TTLL5: variants seen among roughly 807,000 people sequenced by gnomAD.
TTLL5 encodes tubulin polyglutamylase TTLL5.
Under a neutral mutation model 168.4 loss-of-function variants are expected in TTLL5, and 132 were observed. The ratio of observed to expected loss-of-function variants is 0.78; its 90% CI spans 0.68 to 0.91. The LOEUF is 0.91. Ranked by LOEUF, TTLL5 falls within the 40% of genes least tolerant of loss-of-function variation. The probability of loss-of-function intolerance (pLI) is 0.00; values close to 1 mark genes in which losing one functional copy is unlikely to be tolerated. For synonymous variants in TTLL5, 546 were observed against 558.6 expected (o/e 0.98, Z 0.32); for missense variants, 1,545 against 1,581.5 (o/e 0.98, Z 0.39).
chr14:75,914,033 A>AAAAAAAAATATATATATATATATATATAT, intron 31 of TTLL5, among the ~76,000 whole-genome samples: 2 of 71,100 alleles, frequency 2.8e-5, no homozygotes, highest in Non-Finnish European at 4.1e-5. Flanking sequence ...AAAAAAAAAA[A>AAAAAAAAATATATATATATATATATATAT]ATATATATAT....
intron 3 of TTLL5, among the ~76,000 whole-genome samples, chr14:75,674,258 C>T (rs544712538): frequency 3.4e-4 from 52 of 152,302 alleles, no homozygotes; most frequent in African/African-American, 1.2e-3. Flanking sequence ...TCTTCACCTT[C>T]CTTAATGAAA....
At chr14:75,782,721 C>A in intron 25 of TTLL5, 148 bp downstream of exon 25, 1 of 747,268 alleles carries the variant, frequency 1.3e-6, no homozygotes, top group Non-Finnish European at 2.1e-6. Context: ...AGAATTTTCT[C>A]TTATCTATTG....
intron 15 of TTLL5, among the ~76,000 whole-genome samples, chr14:75,739,591 T>C (rs1025120952): frequency 1.3e-5 from 2 of 152,180 alleles, no homozygotes; most frequent in African/African-American, 4.8e-5. Flanking sequence ...CCAGAAATTG[T>C]ATGGCATGGT....
chr14:75,818,190 G>T (rs937572737), intron 27 of TTLL5, among the ~76,000 whole-genome samples: 1 of 151,834 alleles, frequency 6.6e-6, no homozygotes, highest in African/African-American at 2.4e-5. Context: ...AAATACATCT[G>T]TATTTGCCAT....
At chr14:75,904,228 A>G in intron 31 of TTLL5, 3 of 1,211,908 alleles carry the variant, frequency 2.5e-6, no homozygotes, top group South Asian at 1.5e-5. Flanking sequence ...GAAAGAAAAA[A>G]AGAATTACTA....
intron 27 of TTLL5, chr14:75,818,403 A>G (rs765342273): frequency 1.4e-5 from 5 of 347,054 alleles, no homozygotes; most frequent in Non-Finnish European, 2.7e-5. Context: ...GATCTACTCT[A>G]TACAGTTTCA....
Position 75,863,810 on chromosome 14 carries a change from A to G in TTLL5, c.3470A>G (p.Gln1157Arg). 1 of 1,611,178 alleles carries G rather than the reference A, an allele frequency of 6.2e-7. No individual in the cohort carries two copies. ...CAATTTGCCCTGCAGCAACTTGAAC[A>G]ACAAAAACTTCAGTCCCGGCAGCTC... ...QLQFALQQLEQQKLQSRQLLD... is the reference protein window; with the variant it reads ...QLQFALQQLERQKLQSRQLLD... Residue 1157 changes from glutamine to arginine, a missense_variant, in exon 29 of 32, where the codon CAA (glutamine) becomes CGA (arginine). Transcript: ENST00000298832.
At chr14:75,732,096 T>A in intron 12 of TTLL5, 1 of 342,828 alleles carries the variant, frequency 2.9e-6, no homozygotes. Context: ...TTTAGGAACA[T>A]CAATAGACAC....
chr14:75,776,046 A>G (rs1891708114), intron 22 of TTLL5, among the ~76,000 whole-genome samples: 1 of 152,324 alleles, frequency 6.6e-6, no homozygotes, highest in Admixed American at 6.5e-5. Context: ...CATTTTATAC[A>G]TTACAGAATT....
At chr14:75,901,771 T>C (rs1040410807) in intron 30 of TTLL5, among the ~76,000 whole-genome samples, 3 of 152,152 alleles carry the variant, frequency 2.0e-5, no homozygotes, top group African/African-American at 7.2e-5. Flanking sequence ...TTTCATATGA[T>C]TTAGGTAAGT....
chr14:75,822,111 T>C (rs1267559957), intron 28 of TTLL5, among the ~76,000 whole-genome samples: 1 of 152,196 alleles, frequency 6.6e-6, no homozygotes, highest in Non-Finnish European at 1.5e-5. Context: ...GGCTGTGATA[T>C]AGGCCGCAGC....
chr14:75,847,320 C>T (rs1896600784), intron 28 of TTLL5, among the ~76,000 whole-genome samples: 1 of 151,806 alleles, frequency 6.6e-6, no homozygotes, highest in African/African-American at 2.4e-5. Flanking sequence ...TTTTTTTTAT[C>T]ACATTAATAC....
chr14:75,666,127 A>G lies in TTLL5; in HGVS notation c.74+2904A>G, dbSNP rs139013250. 6.6e-3 allele frequency among the ~76,000 whole-genome samples: 998 copies of G among 152,340 alleles called. 4 individuals are homozygous for G. Among genetic ancestry groups the G allele is most frequent in the South Asian group, 0.01 (49 of 4,830 alleles). On this transcript the variant is annotated intron_variant, in intron 2 of 31. Coordinates refer to ENST00000298832, the MANE Select transcript of TTLL5 (RefSeq NM_015072.5). ...CAGACACTTATTTTTTACATTAGGA[A>G]GCTTAAATCAATCTTGTTCACACCT...
chr14:75,903,029 G>T (rs1216181541), intron 31 of TTLL5, among the ~76,000 whole-genome samples: 1 of 152,156 alleles, frequency 6.6e-6, no homozygotes, highest in East Asian at 1.9e-4. Context: ...ATTGACTGAG[G>T]ATTTGCTATG....
At chr14:75,808,537 A>G (rs1893787297) in intron 27 of TTLL5, among the ~76,000 whole-genome samples, 1 of 152,054 alleles carries the variant, frequency 6.6e-6, no homozygotes, top group African/African-American at 2.4e-5. Context: ...GATTGAATAT[A>G]TTCTCTAATA....
chr14:75,918,942 C>T (rs1049088655), intron 31 of TTLL5, among the ~76,000 whole-genome samples: 4 of 152,046 alleles, frequency 2.6e-5, no homozygotes, highest in African/African-American at 7.2e-5. Context: ...GTGGCTCACA[C>T]CTGTAATCCC....
At position 75,936,647 on chromosome 14, in the gene TTLL5, A is replaced by G. The variant is rs183752477; in HGVS notation, c.3824-17777A>G. Among the ~76,000 whole-genome samples, 104 of 152,336 alleles carry G rather than the reference A, an allele frequency of 6.8e-4. 1 individual carries two copies. Among genetic ancestry groups the G allele is most frequent in the African/African-American group, 2.2e-3 (92 of 41,568 alleles). Reference sequence around the variant, plus strand: ...TTAATATATATATAACTCCCTAAGAAGGACTGGGATCGGCTTGGCCTGGGT... The same window carrying G: ...TTAATATATATATAACTCCCTAAGAGGGACTGGGATCGGCTTGGCCTGGGT... On this transcript the variant is annotated intron_variant, in intron 31 of 31. Coordinates refer to ENST00000298832, the MANE Select transcript of TTLL5 (RefSeq NM_015072.5).
At chr14:75,725,457 T>G (rs867899436) in intron 12 of TTLL5, among the ~76,000 whole-genome samples, 18 of 152,256 alleles carry the variant, frequency 1.2e-4, no homozygotes, top group Admixed American at 4.6e-4. Flanking sequence ...TTCCTTTAAT[T>G]TGGTTTCACT....
intron 29 of TTLL5, among the ~76,000 whole-genome samples, chr14:75,873,604 A>G (rs1363604127): frequency 6.6e-6 from 1 of 152,138 alleles, no homozygotes; most frequent in Non-Finnish European, 1.5e-5. Flanking sequence ...AAGGCTGAAT[A>G]ACATTTCATT....
Sources: gnomAD v4.1 joint callset for allele counts (sites outside exome capture counted in the v4.1 genomes callset) on GRCh38, gnomAD v4.1.1 for gene constraint, MANE v1.5 for transcripts, NCBI Gene and HGNC (gene_info 2026-07-23, HGNC 2026-07-21) for gene names.